IFNAR1: variants seen among roughly 807,000 people sequenced by gnomAD.
IFNAR1 encodes the protein interferon alpha/beta receptor 1.
IFNAR1 carries 47 observed loss-of-function variants against 62.1 expected under a neutral mutation model. The observed-to-expected ratio is 0.76, with a 90% confidence interval of 0.60 to 0.97. The LOEUF (loss-of-function observed/expected upper bound fraction) is 0.97. Ranked by LOEUF, IFNAR1 falls within the 50% of genes least tolerant of loss-of-function variation. The probability of loss-of-function intolerance (pLI) is 0.00; values close to 1 mark genes in which losing one functional copy is unlikely to be tolerated. For missense variants in IFNAR1, 638 were observed against 654.5 expected (o/e 0.97, Z 0.27); for synonymous variants, 219 against 226.9 (o/e 0.97, Z 0.31).
intron 1 of IFNAR1, among the ~76,000 whole-genome samples, chr21:33,331,566 G>C (rs910763735): frequency 6.6e-6 from 1 of 152,276 alleles, no homozygotes; most frequent in South Asian, 2.1e-4. Context: ...ACACTCTGAG[G>C]AGTGGAGTCA....
At chr21:33,332,856 G>C (rs965587634) in intron 1 of IFNAR1, among the ~76,000 whole-genome samples, 3 of 152,038 alleles carry the variant, frequency 2.0e-5, no homozygotes, top group African/African-American at 7.2e-5. Context: ...AAGACTTATG[G>C]GACATCATTA....
chr21:33,344,036 A>G (rs2083320340), intron 5 of IFNAR1, among the ~76,000 whole-genome samples: 1 of 152,222 alleles, frequency 6.6e-6, no homozygotes, highest in South Asian at 2.1e-4. Flanking sequence ...CTGTAGTGGT[A>G]GCTACTTGGG....
At chr21:33,328,989 T>C (rs150986652) in intron 1 of IFNAR1, among the ~76,000 whole-genome samples, 218 of 152,228 alleles carry the variant, frequency 1.4e-3, no homozygotes, top group African/African-American at 5.1e-3. Flanking sequence ...TTGCCAATAA[T>C]AATAGAGCAA....
rs1491042982 is a variant in IFNAR1, at chr21:33,333,624, TTC to T, written c.77-1898_77-1897del. ...AGAGACTGGCGGAATATTTTTTTTTTTCTTTTTTTTTTTTTTTGAGACGGAGT... is the reference window on the plus strand; with the variant it reads ...AGAGACTGGCGGAATATTTTTTTTTTTTTTTTTTTTTTTTTGAGACGGAGT... On this transcript the variant is annotated intron_variant, in intron 1 of 10. Coordinates refer to ENST00000270139, the MANE Select transcript of IFNAR1 (RefSeq NM_000629.3). 2.3e-3 allele frequency among the ~76,000 whole-genome samples: 304 copies of T among 130,298 alleles called. 33 individuals are homozygous for T. The highest frequency in any genetic ancestry group is 9.8e-3 in the African/African-American group (284 of 28,848). The allele number at this position is 130,298 out of a possible 152,430, so 85.5% of individuals were successfully genotyped here.
At chr21:33,339,927 CAAA>C (rs532975886) in intron 2 of IFNAR1, among the ~76,000 whole-genome samples, 162 of 81,846 alleles carry the variant, frequency 2.0e-3, no homozygotes, top group Admixed American at 7.2e-3. Context: ...GACTCTGTCT[CAAA>C]AAAAAAAAAA....
intron 3 of IFNAR1, 69 bp from the exon 4 acceptor site, chr21:33,343,199 A>G: frequency 7.4e-7 from 1 of 1,347,052 alleles, no homozygotes; most frequent in Non-Finnish European, 1.0e-6. Flanking sequence ...GCTCAGAATT[A>G]TTTGTTGAAT....
At position 33,335,645 on chromosome 21, in the gene IFNAR1, A is replaced by C; in HGVS notation, c.198A>C (p.Gln66His). ...ATGTGACTTTTTCATTCGATTATCA[A>C]AAGTATGTGACTCTACTTACTGATT... ...VGNVTFSFDY[Q>H]KTGMDNWIKL... The change falls in exon 2 of 11, where the codon CAA (glutamine) becomes CAC (histidine). Residue 66 changes from glutamine (Q) to histidine (H), a missense_variant and splice_region_variant. By Grantham distance (24) the Gln-to-His change is conservative. Coordinates refer to ENST00000270139, the MANE Select transcript of IFNAR1 (RefSeq NM_000629.3). 1 of 1,559,960 alleles carries C rather than the reference A, an allele frequency of 6.4e-7. No homozygotes were observed.
chr21:33,334,373 T>A (rs1248792610), intron 1 of IFNAR1, among the ~76,000 whole-genome samples: 15 of 152,226 alleles, frequency 9.9e-5, no homozygotes, highest in African/African-American at 3.6e-4. Context: ...CAAGGGATCT[T>A]TGATAACATG....
At chr21:33,354,123 A>C (rs2083426268) in intron 10 of IFNAR1, among the ~76,000 whole-genome samples, 1 of 152,108 alleles carries the variant, frequency 6.6e-6, no homozygotes, top group South Asian at 2.1e-4. Context: ...CGGGTGGGTC[A>C]CTTGAGGTCA....
chr21:33,352,602 C>CA (rs564455304), intron 8 of IFNAR1, among the ~76,000 whole-genome samples, 156 bp from the exon 9 acceptor site: 146 of 142,068 alleles, frequency 1.0e-3, no homozygotes, highest in Non-Finnish European at 1.6e-3. Context: ...GACTGTCTCA[C>CA]AAAAAAAACA....
Position 33,343,561 on chromosome 21 carries a change from A to C in IFNAR1, c.558A>C (p.Arg186Ser). ...AAAGGATTGAAAATATTTATTCCAGACATAAAATTTATAAACTCTCACCAG... is the reference window on the plus strand; with the variant it reads ...AAAGGATTGAAAATATTTATTCCAGCCATAAAATTTATAAACTCTCACCAG... Reference protein sequence around the residue: ...VEERIENIYSRHKIYKLSPET... With the variant: ...VEERIENIYSSHKIYKLSPET... Residue 186 changes from arginine to serine, a missense_variant, in exon 5 of 11, where the codon AGA (arginine) becomes AGC (serine). By Grantham distance (110) the Arg-to-Ser change is moderately radical. Coordinates refer to ENST00000270139, the MANE Select transcript of IFNAR1 (RefSeq NM_000629.3). 1 of 1,547,844 alleles carries C rather than the reference A, an allele frequency of 6.5e-7. No individual in the cohort carries two copies. The highest frequency in any genetic ancestry group is 8.9e-7 in the Non-Finnish European group (1 of 1,122,224).
intron 6 of IFNAR1, among the ~76,000 whole-genome samples, chr21:33,348,604 C>T (rs1435936190): frequency 6.6e-6 from 1 of 152,082 alleles, no homozygotes; most frequent in Non-Finnish European, 1.5e-5. Flanking sequence ...GAGTTCAAGA[C>T]CAGCCTGGCC....
rs112563475 is a variant in IFNAR1 at position 33,341,286 on chromosome 21, C to T, written c.376+112C>T. The T allele has an allele frequency of 3.3e-4, 249 of 758,174 alleles. 3 individuals carry two copies. In the African/African-American group the frequency reaches 4.0e-3, roughly 12 times the overall value. The allele number at this position is 758,174 out of a possible 1,614,324, so 47.0% of individuals were successfully genotyped here. On this transcript the variant is annotated intron_variant, in intron 3 of 10. Coordinates refer to ENST00000270139, the MANE Select transcript of IFNAR1 (RefSeq NM_000629.3). Reference sequence around the variant, plus strand: ...AAAATCTAACATCTTTTAAAAAGAACAAAAATTCCCTTAAACCTATATCTT... The same window carrying T: ...AAAATCTAACATCTTTTAAAAAGAATAAAAATTCCCTTAAACCTATATCTT...
At chr21:33,352,341 C>T (rs1463255742) in intron 8 of IFNAR1, among the ~76,000 whole-genome samples, 1 of 151,992 alleles carries the variant, frequency 6.6e-6, no homozygotes, top group Non-Finnish European at 1.5e-5. Context: ...CACACATATA[C>T]TCTGTAATCC....
chr21:33,331,023 T>G (rs185259092), intron 1 of IFNAR1, among the ~76,000 whole-genome samples: 1 of 152,294 alleles, frequency 6.6e-6, no homozygotes, highest in East Asian at 1.9e-4. Context: ...CTGGAACTAC[T>G]TCTGGAGTGT....
rs1489539230 is a variant in IFNAR1 at position 33,336,170 on chromosome 21, G to A, written c.200+523G>A. On this transcript the variant is annotated intron_variant, in intron 2 of 10. Transcript: ENST00000270139. Reference sequence around the variant, plus strand: ...TTCCCACCTATGAGTGAGAATATGCGGTGTTTGGTTTTTTGTTCTTGCGAT... The same window carrying A: ...TTCCCACCTATGAGTGAGAATATGCAGTGTTTGGTTTTTTGTTCTTGCGAT... Among the ~76,000 whole-genome samples the A allele has an allele frequency of 1.7e-4, 24 of 141,880 alleles. 1 individual carries two copies. The highest frequency in any genetic ancestry group is 1.2e-3 in the South Asian group (5 of 4,298). The allele number at this position is 141,880 out of a possible 152,430, so 93.1% of individuals were successfully genotyped here. A position where few individuals can be genotyped will look rare whatever the true frequency, so the allele number is the denominator to read the frequency against.
intron 1 of IFNAR1, 28 bp downstream of exon 1, chr21:33,325,159 G>A: frequency 1.3e-6 from 2 of 1,594,726 alleles, no homozygotes; most frequent in Non-Finnish European, 1.7e-6. Flanking sequence ...GAGTCTTGGC[G>A]CAGGGCGGGA....
At position 33,358,828 on chromosome 21, in the gene IFNAR1, AC is replaced by A. The variant is rs2083473405; in HGVS notation, c.*3283del. The stretch of plus-strand genomic sequence containing the variant: ...CAACCAACCTGGGTAACATGGCCAG[AC>A]CCCATCTCTATTTATATATATATAT... On this transcript the variant is annotated 3_prime_UTR_variant, in exon 11 of 11. Transcript: ENST00000270139. 1 of 150,844 alleles carries A rather than the reference AC, an allele frequency of 6.6e-6. No homozygotes were observed. Among genetic ancestry groups the A allele is most frequent in the African/African-American group, 2.5e-5 (1 of 40,294 alleles). 9.3% of individuals were successfully genotyped at this position (150,844 alleles called of 1,614,324 possible). A position where few individuals can be genotyped will look rare whatever the true frequency, so the allele number is the denominator to read the frequency against.
chr21:33,354,180 T>C (rs2083426890), intron 10 of IFNAR1, among the ~76,000 whole-genome samples: 1 of 151,976 alleles, frequency 6.6e-6, no homozygotes, highest in Non-Finnish European at 1.5e-5. Flanking sequence ...CTGTCTCTAC[T>C]AAAAATATAA....
Sources: gnomAD v4.1 joint callset for allele counts (sites outside exome capture counted in the v4.1 genomes callset) on GRCh38, gnomAD v4.1.1 for gene constraint, MANE v1.5 for transcripts, NCBI Gene and HGNC (gene_info 2026-07-23, HGNC 2026-07-21) for gene names.